SZT2: variants seen among roughly 807,000 people sequenced by gnomAD.
SZT2 encodes KICSTOR complex protein SZT2.
SZT2 carries 216 observed loss-of-function variants against 404.2 expected under a neutral mutation model. The ratio of observed to expected loss-of-function variants is 0.53; its 90% CI spans 0.48 to 0.60. The LOEUF (loss-of-function observed/expected upper bound fraction) is 0.60, where lower values mean the gene tolerates loss of function less well. Ranked by LOEUF, SZT2 falls within the 20% of genes least tolerant of loss-of-function variation. The pLI, the probability that SZT2 is intolerant of heterozygous loss-of-function variation, is 0.00. For synonymous variants in SZT2, 1,693 were observed against 1,749.9 expected (o/e 0.97, Z 0.81); for missense variants, 3,857 against 4,459.2 (o/e 0.86, Z 3.85).
At position 43,452,791 on chromosome 1, in the gene SZT2, T is replaced by C. The variant is rs60630665; in HGVS notation, c.*2311T>C. On this transcript the variant is annotated 3_prime_UTR_variant, in exon 72 of 72. Transcript: ENST00000634258. ...TGTTTGGCCTCTGCAGGATTTGACA[T>C]TTGAATCAGCCCCACTTTGAGCCGT... 6.1e-6 allele frequency: 7 copies of C among 1,154,820 alleles called. No individual in the cohort carries two copies. Among genetic ancestry groups the C allele is most frequent in the Non-Finnish European group, 8.7e-6 (7 of 800,236 alleles). 71.5% of individuals were successfully genotyped at this position (1,154,820 alleles called of 1,614,324 possible).
intron 70 of SZT2, chr1:43,449,800 C>T: frequency 2.0e-6 from 1 of 492,014 alleles, no homozygotes; most frequent in Non-Finnish European, 3.7e-6. Flanking sequence ...GGACAGGAGG[C>T]AAGGAGGTTG....
At chr1:43,421,608 T>C (rs1464545966) in intron 11 of SZT2, among the ~76,000 whole-genome samples, 1 of 152,222 alleles carries the variant, frequency 6.6e-6, no homozygotes, top group African/African-American at 2.4e-5. Flanking sequence ...CGTGACATAC[T>C]CTGGGCTTCC....
chr1:43,404,481 C>G lies in SZT2; in HGVS notation c.429C>G (p.Ile143Met), dbSNP rs1209373381. 2.5e-6 allele frequency: 4 copies of G among 1,614,012 alleles called. No homozygotes were observed. In the African/African-American group the frequency reaches 4.0e-5, roughly 16 times the overall value. ...LRPFRVPGSC[I>M]DFQPEIYVTI... ...CCTTCCGAGTGCCTGGATCTTGCATCGACTTCCAGCCTGAGATCTATGTAA... is the reference window on the plus strand; with the variant it reads ...CCTTCCGAGTGCCTGGATCTTGCATGGACTTCCAGCCTGAGATCTATGTAA... The change falls in exon 4 of 72, where the codon ATC becomes ATG. Residue 143 changes from isoleucine (I) to methionine (M), a missense_variant. Physicochemically the swap from Ile to Met is conservative, Grantham distance 10. Transcript: ENST00000634258.
chr1:43,437,109 G>C lies in SZT2; in HGVS notation c.6035-62G>C. 1 of 1,593,370 alleles carries C rather than the reference G, an allele frequency of 6.3e-7. No individual in the cohort carries two copies. Among genetic ancestry groups the C allele is most frequent in the Non-Finnish European group, 8.6e-7 (1 of 1,168,226 alleles). On this transcript the variant is annotated intron_variant, in intron 42 of 71. Coordinates refer to ENST00000634258, the MANE Select transcript of SZT2 (RefSeq NM_001365999.1). The surrounding 1 kb of genome is among the most constrained non-coding windows in gnomAD (Gnocchi z 5.3). Reference sequence around the variant, plus strand: ...GACAAGTAGGCCAGTTCCCAGGTGAGAAGTCTGTGGAGGGCAGAGGGTGGT... The same window carrying C: ...GACAAGTAGGCCAGTTCCCAGGTGACAAGTCTGTGGAGGGCAGAGGGTGGT...
chr1:43,422,073 CTGT>C lies in SZT2; in HGVS notation c.1627-9_1627-7del. The C allele has an allele frequency of 6.3e-7, 1 of 1,591,764 alleles. No individual in the cohort carries two copies. The highest frequency in any genetic ancestry group is 8.5e-7 in the Non-Finnish European group (1 of 1,174,742). ...AAATGCTCCTATAGTGCTGTCCTTCCTGTCCTCAGGTGCTCTCCCTCCAGCCCA... is the reference window on the plus strand; with the variant it reads ...AAATGCTCCTATAGTGCTGTCCTTCCCCTCAGGTGCTCTCCCTCCAGCCCA... On this transcript the variant is annotated splice_polypyrimidine_tract_variant and splice_region_variant and intron_variant, in intron 11 of 71. Transcript: ENST00000634258.
chr1:43,425,186 A>G lies in SZT2; in HGVS notation c.2624A>G (p.His875Arg). 6.2e-7 allele frequency: 1 copy of G among 1,613,776 alleles called. No homozygotes were observed. Among genetic ancestry groups the G allele is most frequent in the Non-Finnish European group, 8.5e-7 (1 of 1,179,936 alleles). The change falls in exon 18 of 72, where the codon CAC becomes CGC. Residue 875 changes from histidine (H) to arginine (R), a missense_variant. Transcript: ENST00000634258. The surrounding 1 kb of genome is among the most constrained non-coding windows in gnomAD (Gnocchi z 4.3). ...GTCCAGTACATCCTCTTCCCCCCAC[A>G]CTCTACCTCCACCAAAGACAGGTGA... ...CVVQYILFPP[H>R]STSTKDSFST...
intron 4 of SZT2, among the ~76,000 whole-genome samples, chr1:43,407,347 C>T (rs1327582348): frequency 6.6e-6 from 1 of 151,926 alleles, no homozygotes; most frequent in African/African-American, 2.4e-5. Flanking sequence ...ACTAAAAATA[C>T]AACAACAACA....
Position 43,431,318 on chromosome 1 carries a change from C to T in SZT2, c.4970C>T (p.Ser1657Phe). The T allele has an allele frequency of 6.2e-7, 1 of 1,613,678 alleles. No individual in the cohort carries two copies. The highest frequency in any genetic ancestry group is 8.5e-7 in the Non-Finnish European group (1 of 1,179,754). Residue 1657 changes from serine to phenylalanine, a missense_variant, in exon 34 of 72, where the codon TCT becomes TTT. Physicochemically the swap from Ser to Phe is radical, Grantham distance 155. This residue lies in a region of SZT2 where 1,725 missense variants were observed against 1,881.0 expected (regional missense o/e 0.92). Coordinates refer to ENST00000634258, the MANE Select transcript of SZT2 (RefSeq NM_001365999.1). ...SFPRSPGQPS[S>F]LRSDDGLGPP... ...CCACGATCCCCAGGGCAGCCATCAT[C>T]TTTAAGGTCAGATGATGGCCTCGGG... is the stretch of plus-strand genomic sequence containing the variant.
intron 1 of SZT2, among the ~76,000 whole-genome samples, chr1:43,400,740 C>T (rs1480321194): frequency 6.6e-6 from 1 of 152,018 alleles, no homozygotes; most frequent in African/African-American, 2.4e-5. Context: ...GGCTTGGTGG[C>T]GGGTGCCTGT....
At position 43,411,769 on chromosome 1, in the gene SZT2, C is replaced by CTTTTTTT. The variant is rs386366817; in HGVS notation, c.499-3292_499-3286dup. Among the ~76,000 whole-genome samples the CTTTTTTT allele has an allele frequency of 1.9e-4, 14 of 74,056 alleles. 2 individuals carry two copies. The highest frequency in any genetic ancestry group is 9.6e-4 in the East Asian group (2 of 2,088). 48.6% of individuals were successfully genotyped at this position (74,056 alleles called of 152,430 possible). ...TAGAGCAGAAAAGTTCATCCACTATCTTTTTTTTTTTTTTTTTTTTTTTTT... is the reference window on the plus strand; with the variant it reads ...TAGAGCAGAAAAGTTCATCCACTATCTTTTTTTTTTTTTTTTTTTTTTTTTTTTTTTT... On this transcript the variant is annotated intron_variant, in intron 4 of 71. Coordinates refer to ENST00000634258, the MANE Select transcript of SZT2 (RefSeq NM_001365999.1).
chr1:43,435,173 TC>T, intron 41 of SZT2, 26 bp from the exon 42 acceptor site: 1 of 1,612,460 alleles, frequency 6.2e-7, no homozygotes, highest in Non-Finnish European at 8.5e-7. Flanking sequence ...GTATTTCAGT[TC>T]CCTGACCTCA....
Position 43,431,783 on chromosome 1 carries a change from C to A in SZT2, c.5156C>A (p.Ala1719Asp). 1 of 1,614,238 alleles carries A rather than the reference C, an allele frequency of 6.2e-7. No individual in the cohort carries two copies. Among genetic ancestry groups the A allele is most frequent in the Non-Finnish European group, 8.5e-7 (1 of 1,180,042 alleles). Residue 1719 changes from alanine to aspartate, a missense_variant, in exon 36 of 72, where the codon GCC becomes GAC. Ala to Asp is a moderately radical substitution (Grantham distance 126). Coordinates refer to ENST00000634258, the MANE Select transcript of SZT2 (RefSeq NM_001365999.1). ...AGAGGGGGCATCCCACAGAGTCCTG[C>A]CCTGCACCGCGCAGCTGCCCATATC... ...LRRGGIPQSP[A>D]LHRAAAHIHS... is the part of the protein sequence containing the mutation.
rs1245297295 is a variant in SZT2, at chr1:43,453,524, C to CG, written c.*3046dup. On this transcript the variant is annotated 3_prime_UTR_variant, in exon 72 of 72. Transcript: ENST00000634258. ...TGCAGAGAGAACGGGCCTCAGCCCC[C>CG]GGCTCGGACACTCCCCTGCCCGCGC... 10 of 1,532,952 alleles carry CG rather than the reference C, an allele frequency of 6.5e-6. No individual in the cohort carries two copies. The highest frequency in any genetic ancestry group is 7.9e-6 in the Non-Finnish European group (9 of 1,136,244). The allele number at this position is 1,532,952 out of a possible 1,614,324, so 95.0% of individuals were successfully genotyped here. A position where few individuals can be genotyped will look rare whatever the true frequency, so the allele number is the denominator to read the frequency against.
At chr1:43,403,580 T>C in intron 2 of SZT2, 21 bp from the exon 3 acceptor site, 1 of 1,604,228 alleles carries the variant, frequency 6.2e-7, no homozygotes, top group Non-Finnish European at 8.5e-7. Flanking sequence ...CCTTTCCTTT[T>C]CTTTCCATCC....
In SZT2 at chr1:43,423,195, G is replaced by A; in HGVS notation, c.2134G>A (p.Gly712Arg). 6.3e-7 allele frequency: 1 copy of A among 1,597,658 alleles called. No individual in the cohort carries two copies. Among genetic ancestry groups the A allele is most frequent in the Middle Eastern group, 1.7e-4 (1 of 6,054 alleles). Residue 712 changes from glycine to arginine, a missense_variant, in exon 15 of 72, where the codon GGG becomes AGG. By Grantham distance (125) the Gly-to-Arg change is moderately radical (BLOSUM62 -2). Coordinates refer to ENST00000634258, the MANE Select transcript of SZT2 (RefSeq NM_001365999.1). ...GCCCAAGGTGAAACGAAAAGGGCTA[G>A]GGGGTGCTGGTGGGGGCAGCTCTCC... ...PTPKVKRKGL[G>R]GAGGGSSPSK...
Position 43,432,427 on chromosome 1 carries a change from C to A in SZT2, c.5430C>A (p.Gly1810=). The change falls in exon 37 of 72, where the codon GGC becomes GGA. Residue 1810 remains glycine, a synonymous_variant. Transcript: ENST00000634258. ...AWHSHEDRAE[G]IEGETLTASP... Reference sequence around the variant, plus strand: ...ACAGTCATGAGGACAGGGCTGAAGGCATCGAAGGGGAGGTGAGTCTCACCT... The same window carrying A: ...ACAGTCATGAGGACAGGGCTGAAGGAATCGAAGGGGAGGTGAGTCTCACCT... 1 of 1,565,164 alleles carries A rather than the reference C, an allele frequency of 6.4e-7. No individual in the cohort carries two copies. Among genetic ancestry groups the A allele is most frequent in the South Asian group, 1.2e-5 (1 of 83,302 alleles).
rs373897662 is a variant in SZT2 at position 43,416,597 on chromosome 1, C to T, written c.835C>T (p.Leu279=). Reference sequence around the variant, plus strand: ...TGATGTTGCTGTCTGTGAGACACTGCTGAACCAGCTTCGCAGTGGCACTGT... The same window carrying T: ...TGATGTTGCTGTCTGTGAGACACTGTTGAACCAGCTTCGCAGTGGCACTGT... The part of the protein sequence containing the change: ...VPDVAVCETL[L]NQLRSGTVAC... Residue 279 remains leucine, a synonymous_variant, in exon 7 of 72, where the codon CTG becomes TTG. Transcript: ENST00000634258. The T allele has an allele frequency of 8.8e-6, 14 of 1,598,336 alleles. No individual in the cohort carries two copies. The African/African-American group carries it at 1.3e-4, about 15-fold the overall frequency.
At chr1:43,447,411 C>A in intron 66 of SZT2, 134 bp from the exon 67 acceptor site, 1 of 1,264,696 alleles carries the variant, frequency 7.9e-7, no homozygotes, top group Non-Finnish European at 1.1e-6. Flanking sequence ...CACAGGAATG[C>A]AGGAGCTCCT....
At position 43,453,534 on chromosome 1, in the gene SZT2, ACTCCCCTGCCCGCGC is replaced by A; in HGVS notation, c.*3056_*3070del. On this transcript the variant is annotated 3_prime_UTR_variant, in exon 72 of 72. Transcript: ENST00000634258. ...ACGGGCCTCAGCCCCCGGCTCGGAC[ACTCCCCTGCCCGCGC>A]CCCGGCACCCCCCAGCCCTCCCAGC... 6.6e-7 allele frequency: 1 copy of A among 1,524,506 alleles called. No homozygotes were observed. Among genetic ancestry groups the A allele is most frequent in the South Asian group, 1.2e-5 (1 of 80,138 alleles). The allele number at this position is 1,524,506 out of a possible 1,614,324, so 94.4% of individuals were successfully genotyped here. A position where few individuals can be genotyped will look rare whatever the true frequency, so the allele number is the denominator to read the frequency against.
Sources: gnomAD v4.1 joint callset for allele counts (sites outside exome capture counted in the v4.1 genomes callset) on GRCh38, gnomAD v4.1.1 for gene constraint, gnomAD v4.1.1 regional missense constraint, Gnocchi (gnomAD v3.1) non-coding constraint, MANE v1.5 for transcripts, NCBI Gene and HGNC (gene_info 2026-07-23, HGNC 2026-07-21) for gene names.